PKHD1: variants seen among roughly 807,000 people sequenced by gnomAD.
PKHD1 encodes the protein PKHD1 ciliary IPT domain containing fibrocystin/polyductin.
PKHD1 carries 291 observed loss-of-function variants against 412.0 expected under a neutral mutation model. That is an observed-to-expected ratio of 0.71 (90% confidence interval 0.64 to 0.78). The LOEUF (loss-of-function observed/expected upper bound fraction) is 0.78, where lower values mean the gene tolerates loss of function less well. Among genes scored for constraint, PKHD1 ranks in the 30% least tolerant of loss-of-function variants. PKHD1 has a pLI of 0.00. For synonymous variants in PKHD1, 1,777 were observed against 1,821.5 expected (o/e 0.98, Z 0.62); for missense variants, 4,825 against 4,950.7 (o/e 0.97, Z 0.76).
At chr6:51,766,167 G>C (rs1788964086) in intron 55 of PKHD1, among the ~76,000 whole-genome samples, 1 of 152,040 alleles carries the variant, frequency 6.6e-6, no homozygotes, top group Non-Finnish European at 1.5e-5. Flanking sequence ...TGAAAATCAT[G>C]TCAAATAAAT....
intron 35 of PKHD1, among the ~76,000 whole-genome samples, chr6:52,008,213 G>T (rs1017198771): frequency 6.6e-6 from 1 of 152,148 alleles, no homozygotes; most frequent in Non-Finnish European, 1.5e-5. Flanking sequence ...TGGGTTATGA[G>T]GCCAGATAAC....
Position 52,066,058 on chromosome 6 carries a change from T to A in PKHD1, c.798A>T (p.Pro266=). ...QTHSEILSVF[P]ETGSLGGRTN... is the part of the protein sequence containing the mutation. ...TTCTTCCCCCAAGGCTCCCAGTTTC[T>A]GGAAACACAGATAATATTTCTGCAA... is the stretch of plus-strand genomic sequence containing the variant. The change falls in exon 12 of 67, where the codon CCA becomes CCT. Residue 266 remains proline (P), a synonymous_variant. Transcript: ENST00000371117. 6.4e-7 allele frequency: 1 copy of A among 1,574,018 alleles called. No individual in the cohort carries two copies. Among genetic ancestry groups the A allele is most frequent in the Non-Finnish European group, 8.7e-7 (1 of 1,145,956 alleles).
Position 51,830,886 on chromosome 6 carries a change from A to G in PKHD1, c.8277T>C (p.Pro2759=). 1 of 1,612,862 alleles carries G rather than the reference A, an allele frequency of 6.2e-7. No individual in the cohort carries two copies. Among genetic ancestry groups the G allele is most frequent in the Non-Finnish European group, 8.5e-7 (1 of 1,179,066 alleles). Residue 2759 remains proline (P), a synonymous_variant, in exon 52 of 67, where the codon CCT becomes CCC. Transcript: ENST00000371117. ...TGGGTAAAATGAGAACGTCATCCCCAGGGCCTGGAATGGTATTGTTGTATC... is the reference window on the plus strand; with the variant it reads ...TGGGTAAAATGAGAACGTCATCCCCGGGGCCTGGAATGGTATTGTTGTATC... ...WGGYNNTIPG[P]GDDVLILPNR... is the part of the protein sequence containing the mutation.
At chr6:51,629,310 A>G (rs1458387357) in intron 65 of PKHD1, among the ~76,000 whole-genome samples, 1 of 152,128 alleles carries the variant, frequency 6.6e-6, no homozygotes, top group Admixed American at 6.6e-5. Context: ...TTCACAAACT[A>G]TGCATCTGAC....
chr6:51,659,828 A>G lies in PKHD1; in HGVS notation c.10298T>C (p.Val3433Ala), dbSNP rs1772535466. 1 of 1,613,774 alleles carries G rather than the reference A, an allele frequency of 6.2e-7. No homozygotes were observed. The highest frequency in any genetic ancestry group is 1.7e-5 in the Admixed American group (1 of 59,930). ...AAAGACATCAACAAAACCACTAGTC[A>G]CAGATACAACTGGATATAACTTCTG... ...AIQKLYPVVS[V>A]TSGFVDVFSS... Residue 3433 changes from valine (V) to alanine (A), a missense_variant, in exon 61 of 67, where the codon GTG (valine) becomes GCG (alanine). Coordinates refer to ENST00000371117, the MANE Select transcript of PKHD1 (RefSeq NM_138694.4).
chr6:52,026,045 G>C lies in PKHD1; in HGVS notation c.3765C>G (p.Pro1255=). The change falls in exon 32 of 67, where the codon CCC becomes CCG. Residue 1255 remains proline, a synonymous_variant. Coordinates refer to ENST00000371117, the MANE Select transcript of PKHD1 (RefSeq NM_138694.4). The part of the protein sequence containing the change: ...ASIWCETLPA[P]QIPDAGAPTV... ...TGGGAGCGCCCGCATCGGGTATCTG[G>C]GGGGCTGGCAGGGTTTCACACCAGA... 26 of 1,614,054 alleles carry C rather than the reference G, an allele frequency of 1.6e-5. No homozygotes were observed. The highest frequency in any genetic ancestry group is 2.2e-5 in the Non-Finnish European group (26 of 1,180,010).
chr6:51,627,087 G>A lies in PKHD1; in HGVS notation c.11695C>T (p.Gln3899Ter), dbSNP rs1295732689. 3.1e-6 allele frequency: 5 copies of A among 1,610,428 alleles called. No individual in the cohort carries two copies. Among genetic ancestry groups the A allele is most frequent in the African/African-American group, 2.7e-5 (2 of 74,768 alleles). The change falls in exon 66 of 67, where the codon CAG (glutamine) becomes TAG (stop). Residue 3899 changes from glutamine (Q) to a stop codon, truncating the protein, a stop_gained. Coordinates refer to ENST00000371117, the MANE Select transcript of PKHD1 (RefSeq NM_138694.4). LOFTEE classifies it high-confidence loss of function. ...ATATGAATATTTTGATTATTAGTCT[G>A]GGATTCAGGAATCTCTTCAGGTTTT... ...KTKPEEIPES[Q>*]TNNQNIHIHI...
At chr6:51,929,174 A>C (rs1786194142) in intron 37 of PKHD1, among the ~76,000 whole-genome samples, 1 of 152,174 alleles carries the variant, frequency 6.6e-6, no homozygotes, top group African/African-American at 2.4e-5. Flanking sequence ...AACTGTTATG[A>C]CATGAAAATG....
At chr6:51,781,703 A>G (rs1259815459) in intron 53 of PKHD1, among the ~76,000 whole-genome samples, 1 of 152,076 alleles carries the variant, frequency 6.6e-6, no homozygotes, top group African/African-American at 2.4e-5. Flanking sequence ...TAGCAATATT[A>G]ATAATAGTAG....
intron 64 of PKHD1, 102 bp downstream of exon 64, chr6:51,638,747 C>T: frequency 1.3e-6 from 1 of 762,402 alleles, no homozygotes; most frequent in Admixed American, 2.2e-5. Context: ...ATGATGACCT[C>T]TTATTCATGA....
At chr6:51,889,468 C>A (rs900217495) in intron 43 of PKHD1, among the ~76,000 whole-genome samples, 13 of 152,058 alleles carry the variant, frequency 8.5e-5, no homozygotes, top group Non-Finnish European at 1.5e-5. Flanking sequence ...CACAGAATGC[C>A]CAGTGAAATT....
intron 60 of PKHD1, among the ~76,000 whole-genome samples, chr6:51,717,079 C>T (rs1481668046): frequency 2.0e-5 from 3 of 152,310 alleles, no homozygotes; most frequent in Middle Eastern, 6.8e-3. Flanking sequence ...TGACTCTCTT[C>T]CTTGTCCTGA....
intron 52 of PKHD1, among the ~76,000 whole-genome samples, chr6:51,812,239 A>C (rs1384804761): frequency 6.6e-6 from 1 of 152,242 alleles, no homozygotes; most frequent in Non-Finnish European, 1.5e-5. Context: ...AAGTTGGTTC[A>C]AAATATAGAT....
chr6:52,045,393 C>G (rs1805636858), intron 24 of PKHD1, among the ~76,000 whole-genome samples: 1 of 152,094 alleles, frequency 6.6e-6, no homozygotes, highest in African/African-American at 2.4e-5. Context: ...TGTTTGCAAT[C>G]CAAAATATTA....
chr6:51,899,729 C>A (rs1436017029), intron 43 of PKHD1, among the ~76,000 whole-genome samples: 1 of 152,172 alleles, frequency 6.6e-6, no homozygotes, highest in Non-Finnish European at 1.5e-5. Context: ...GTCAAATTGT[C>A]CCTGTTTACA....
chr6:51,732,325 A>T (rs1783328126), intron 60 of PKHD1, among the ~76,000 whole-genome samples: 1 of 152,184 alleles, frequency 6.6e-6, no homozygotes, highest in Non-Finnish European at 1.5e-5. Flanking sequence ...TGGATCAAAA[A>T]ACTCTATCAA....
chr6:51,928,010 T>A (rs906221628), intron 37 of PKHD1, among the ~76,000 whole-genome samples: 1 of 152,112 alleles, frequency 6.6e-6, no homozygotes, highest in African/African-American at 2.4e-5. Context: ...CAATTATTAT[T>A]CAGAGAGAGA....
At chr6:52,080,649 T>C (rs961030342) in intron 4 of PKHD1, among the ~76,000 whole-genome samples, 4 of 152,234 alleles carry the variant, frequency 2.6e-5, no homozygotes, top group Admixed American at 6.5e-5. Context: ...AATATTTAGA[T>C]CTGAATTGTC....
chr6:51,807,717 G>A (rs1212837659), intron 52 of PKHD1, among the ~76,000 whole-genome samples: 1 of 151,986 alleles, frequency 6.6e-6, no homozygotes, highest in Non-Finnish European at 1.5e-5. Flanking sequence ...AGCCAAGCAT[G>A]TATTTTACAT....
Sources: allele counts gnomAD v4.1 joint callset (sites outside exome capture counted in the v4.1 genomes callset), GRCh38; gene constraint gnomAD v4.1.1; transcripts MANE v1.5; gene names NCBI Gene and HGNC (gene_info 2026-07-23, HGNC 2026-07-21).